Variants in PRKAG2 observed in about 807,000 individuals in gnomAD.
PRKAG2 encodes 5'-AMP-activated protein kinase subunit gamma-2.
PRKAG2 carries 26 observed loss-of-function variants against 69.6 expected under a neutral mutation model. The ratio of observed to expected loss-of-function variants is 0.37; its 90% CI spans 0.27 to 0.52. The LOEUF is 0.52. PRKAG2 is among the 20% of genes least tolerant of loss of function. The pLI, the probability that PRKAG2 is intolerant of heterozygous loss-of-function variation, is 0.90. For synonymous variants in PRKAG2, 293 were observed against 285.0 expected (o/e 1.03, Z -0.28); for missense variants, 557 against 740.0 (o/e 0.75, Z 2.87).
intron 1 of PRKAG2, among the ~76,000 whole-genome samples, chr7:151,819,766 CCT>C (rs2078726099): frequency 6.6e-6 from 1 of 152,120 alleles, no homozygotes; most frequent in Middle Eastern, 3.4e-3. Context: ...AAACCGGTCC[CCT>C]GAGCCTCAAA....
At chr7:151,595,077 C>A (rs549267003) in intron 6 of PRKAG2, among the ~76,000 whole-genome samples, 1 of 152,284 alleles carries the variant, frequency 6.6e-6, no homozygotes, top group East Asian at 1.9e-4. Flanking sequence ...GGATTACAGA[C>A]GTGAGCCACT....
At chr7:151,655,789 G>A (rs1829323031) in intron 4 of PRKAG2, among the ~76,000 whole-genome samples, 1 of 152,130 alleles carries the variant, frequency 6.6e-6, no homozygotes, top group South Asian at 2.1e-4. Context: ...TCATAGAGCG[G>A]TAAGGAATAT....
In PRKAG2 at chr7:151,771,457, G is replaced by A. The variant is rs1410153348; in HGVS notation, c.466+9695C>T. On this transcript the variant is annotated intron_variant, in intron 3 of 15. Transcript: ENST00000287878. This position sits in a 1 kb window ranked among gnomAD's most constrained non-coding sequence, Gnocchi z 4.0. ...TCCTGCACTCTGTTCCAAAGCCAGA[G>A]AGCTCCGTGTCCTTTTGCTGTATCT... Among the ~76,000 whole-genome samples the A allele has an allele frequency of 6.6e-6, 1 of 152,128 alleles. No homozygotes were observed. Among genetic ancestry groups the A allele is most frequent in the African/African-American group, 2.4e-5 (1 of 41,424 alleles).
intron 1 of PRKAG2, among the ~76,000 whole-genome samples, chr7:151,871,360 C>T (rs1586756503): frequency 2.6e-5 from 4 of 152,326 alleles, no homozygotes; most frequent in East Asian, 3.9e-4. Context: ...GGAGCCAAGG[C>T]GGGATGCCAA....
At chr7:151,704,759 G>A (rs1207452326) in intron 3 of PRKAG2, among the ~76,000 whole-genome samples, 2 of 152,206 alleles carry the variant, frequency 1.3e-5, no homozygotes, top group Non-Finnish European at 2.9e-5. Context: ...CACCTACCGG[G>A]TGGGGATTTA....
chr7:151,656,948 C>T (rs1448530432), intron 4 of PRKAG2, among the ~76,000 whole-genome samples: 5 of 151,982 alleles, frequency 3.3e-5, no homozygotes, highest in African/African-American at 1.2e-4. Context: ...ACCAGCCTGG[C>T]CAACATGGTG....
intron 3 of PRKAG2, among the ~76,000 whole-genome samples, chr7:151,768,519 G>A (rs1263421773): frequency 6.6e-6 from 1 of 152,080 alleles, no homozygotes; most frequent in Non-Finnish European, 1.5e-5. Context: ...AGGCTGGAGT[G>A]CACTAGCACG....
chr7:151,844,230 C>G (rs1039413831), intron 1 of PRKAG2, among the ~76,000 whole-genome samples: 1 of 152,060 alleles, frequency 6.6e-6, no homozygotes, highest in Non-Finnish European at 1.5e-5. Context: ...TACTACAGAC[C>G]ACAGGCAGGC....
At chr7:151,612,331 A>T (rs886651349) in intron 5 of PRKAG2, among the ~76,000 whole-genome samples, 1 of 152,042 alleles carries the variant, frequency 6.6e-6, no homozygotes, top group Non-Finnish European at 1.5e-5. Flanking sequence ...CCTTATCTGT[A>T]CTTGTGAAAT....
chr7:151,563,122 T>C (rs1456621358), intron 14 of PRKAG2, among the ~76,000 whole-genome samples: 1 of 152,176 alleles, frequency 6.6e-6, no homozygotes, highest in Non-Finnish European at 1.5e-5. Context: ...TGTCCTTTGT[T>C]GGAGGTACCT....
At chr7:151,785,842 C>T (rs1438617660) in intron 2 of PRKAG2, among the ~76,000 whole-genome samples, 1 of 152,152 alleles carries the variant, frequency 6.6e-6, no homozygotes, top group East Asian at 1.9e-4. Flanking sequence ...GCTGTGGCTC[C>T]CTCTCCAGAG....
chr7:151,861,012 A>T (rs2079907511), intron 1 of PRKAG2, among the ~76,000 whole-genome samples: 3 of 152,156 alleles, frequency 2.0e-5, no homozygotes, highest in Admixed American at 2.0e-4. Context: ...TTTGCCTTCA[A>T]GTTCCTGGCA....
intron 13 of PRKAG2, 71 bp from the exon 14 acceptor site, chr7:151,564,295 T>A: frequency 6.5e-7 from 1 of 1,538,674 alleles, no homozygotes; most frequent in African/African-American, 1.4e-5. Context: ...ATTAGTGAGC[T>A]TAAGAGAGCC....
At chr7:151,754,565 G>A (rs1434180329) in intron 3 of PRKAG2, among the ~76,000 whole-genome samples, 10 of 152,144 alleles carry the variant, frequency 6.6e-5, no homozygotes, top group East Asian at 3.9e-4. Flanking sequence ...CTTTTTTGTC[G>A]GGTACAGGGT....
rs779090432 is a variant in PRKAG2 at position 151,807,455 on chromosome 7, T to C, written c.115-20914A>G. On this transcript the variant is annotated intron_variant, in intron 1 of 15. Coordinates refer to ENST00000287878, the MANE Select transcript of PRKAG2 (RefSeq NM_016203.4). This position sits in a 1 kb window ranked among gnomAD's most constrained non-coding sequence, Gnocchi z 4.4. ...TAAAACTCTCCAGTTTCAATTGGCC[T>C]CTTGGTGCCAAAGCACCATGGCGTG... The C allele has an allele frequency of 5.0e-5, 23 of 457,800 alleles. No homozygotes were observed. Among genetic ancestry groups the C allele is most frequent in the South Asian group, 3.6e-4 (23 of 64,576 alleles). 28.4% of individuals were successfully genotyped at this position (457,800 alleles called of 1,614,324 possible).
Position 151,556,836 on chromosome 7 carries a change from C to T in PRKAG2, c.*365G>A, listed in dbSNP as rs886062098. On this transcript the variant is annotated 3_prime_UTR_variant, in exon 16 of 16. Coordinates refer to ENST00000287878, the MANE Select transcript of PRKAG2 (RefSeq NM_016203.4). The stretch of plus-strand genomic sequence containing the variant: ...TGCGGCGGTGACATATTGCTGTATT[C>T]GGACATAAGGCACTGTGATCTGAAC... 80 of 261,980 alleles carry T rather than the reference C, an allele frequency of 3.1e-4. No homozygotes were observed. Among genetic ancestry groups the T allele is most frequent in the East Asian group, 1.9e-4 (2 of 10,468 alleles). The allele number at this position is 261,980 out of a possible 1,614,324, so 16.2% of individuals were successfully genotyped here. A position where few individuals can be genotyped will look rare whatever the true frequency, so the allele number is the denominator to read the frequency against.
intron 8 of PRKAG2, among the ~76,000 whole-genome samples, chr7:151,573,958 T>C (rs1808299065): frequency 6.6e-6 from 1 of 152,136 alleles, no homozygotes; most frequent in African/African-American, 2.4e-5. Context: ...TTTGTATTTT[T>C]AGTAGAGACA....
chr7:151,728,630 C>G (rs1798390174), intron 3 of PRKAG2, among the ~76,000 whole-genome samples: 1 of 152,206 alleles, frequency 6.6e-6, no homozygotes, highest in South Asian at 2.1e-4. Flanking sequence ...AAATCTTTCC[C>G]TTTCGTCTTC....
rs1197631541 is a variant in PRKAG2 at position 151,780,029 on chromosome 7, A to AC, written c.466+1122dup. Among the ~76,000 whole-genome samples, 1 of 152,188 alleles carries AC rather than the reference A, an allele frequency of 6.6e-6. No homozygotes were observed. The highest frequency in any genetic ancestry group is 6.5e-5 in the Admixed American group (1 of 15,284). On this transcript the variant is annotated intron_variant, in intron 3 of 15. Coordinates refer to ENST00000287878, the MANE Select transcript of PRKAG2 (RefSeq NM_016203.4). The surrounding 1 kb of genome is among the most constrained non-coding windows in gnomAD (Gnocchi z 4.2). ...AGAGCATGGTCAGGACCTGCCCCCC[A>AC]CAACACACACACAACCCACAGGCGG...
Sources: allele counts gnomAD v4.1 joint callset (sites outside exome capture counted in the v4.1 genomes callset), GRCh38; gene constraint gnomAD v4.1.1; non-coding constraint Gnocchi (gnomAD v3.1); transcripts MANE v1.5; gene names NCBI Gene and HGNC (gene_info 2026-07-23, HGNC 2026-07-21).